Variants in NRCAM observed in about 807,000 individuals in gnomAD.
NRCAM encodes the protein neuronal cell adhesion molecule.
Under a neutral mutation model 156.5 loss-of-function variants are expected in NRCAM, and 83 were observed. The ratio of observed to expected loss-of-function variants is 0.53; its 90% CI spans 0.44 to 0.64. The LOEUF is 0.64. NRCAM is among the 30% of genes least tolerant of loss of function. The pLI, the probability that NRCAM is intolerant of heterozygous loss-of-function variation, is 0.00. For synonymous variants in NRCAM, 538 were observed against 563.9 expected (o/e 0.95, Z 0.65); for missense variants, 1,417 against 1,597.3 (o/e 0.89, Z 1.92).
chr7:108,163,135 A>T (rs1024176825), intron 30 of NRCAM, among the ~76,000 whole-genome samples: 2 of 152,206 alleles, frequency 1.3e-5, no homozygotes, highest in Non-Finnish European at 2.9e-5. Context: ...GCGGAGTAAA[A>T]GAGAATCTTC....
chr7:108,155,457 C>T (rs2044758624), intron 32 of NRCAM, among the ~76,000 whole-genome samples: 1 of 151,976 alleles, frequency 6.6e-6, no homozygotes, highest in Non-Finnish European at 1.5e-5. Flanking sequence ...GATCATTGTG[C>T]AGTGGAAAGA....
At position 108,149,877 on chromosome 7, in the gene NRCAM, A is replaced by T. The variant is rs751589693; in HGVS notation, c.*33T>A. The T allele has an allele frequency of 6.4e-7, 1 of 1,550,620 alleles. No homozygotes were observed. The highest frequency in any genetic ancestry group is 1.2e-5 in the South Asian group (1 of 85,230). The stretch of plus-strand genomic sequence containing the variant: ...AACAAGTGCTTAGGATAAACATTCT[A>T]GAGAAATGGAATATTGGCAAAGAGC... On this transcript the variant is annotated 3_prime_UTR_variant, in exon 33 of 33. Coordinates refer to ENST00000379028, the MANE Select transcript of NRCAM (RefSeq NM_001037132.4).
At chr7:108,288,046 A>G (rs1236067538) in intron 3 of NRCAM, among the ~76,000 whole-genome samples, 1 of 152,176 alleles carries the variant, frequency 6.6e-6, no homozygotes, top group Non-Finnish European at 1.5e-5. Flanking sequence ...ACCATGGAAT[A>G]CTACTCAGCC....
intron 3 of NRCAM, among the ~76,000 whole-genome samples, chr7:108,293,566 T>G (rs544932284): frequency 6.6e-6 from 1 of 152,362 alleles, no homozygotes; most frequent in East Asian, 1.9e-4. Context: ...GGCAGTACAC[T>G]GTGATACTGG....
chr7:108,325,960 G>A (rs2099064202), intron 2 of NRCAM, among the ~76,000 whole-genome samples: 1 of 151,902 alleles, frequency 6.6e-6, no homozygotes, highest in Non-Finnish European at 1.5e-5. Context: ...ATCTGAGGGG[G>A]AGATATTTAC....
intron 3 of NRCAM, among the ~76,000 whole-genome samples, chr7:108,310,463 G>A (rs1238466697): frequency 6.6e-6 from 1 of 152,208 alleles, no homozygotes; most frequent in Non-Finnish European, 1.5e-5. Context: ...AGGGCAGACA[G>A]AGGGCACTTC....
chr7:108,304,404 T>G (rs2300017), intron 3 of NRCAM, among the ~76,000 whole-genome samples: 36,425 of 149,942 alleles, frequency 0.24, 4,866 homozygotes, highest in Admixed American at 0.29. Flanking sequence ...TTTTTTTTGA[T>G]GTACATATGT....
At chr7:108,443,615 C>T (rs532016527) in intron 1 of NRCAM, among the ~76,000 whole-genome samples, 2 of 152,272 alleles carry the variant, frequency 1.3e-5, no homozygotes, top group Admixed American at 1.3e-4. Flanking sequence ...ACAGCCTTGG[C>T]ACCTGTAGAG....
intron 1 of NRCAM, among the ~76,000 whole-genome samples, chr7:108,421,656 A>T (rs1375400208): frequency 2.0e-5 from 3 of 152,238 alleles, no homozygotes; most frequent in Non-Finnish European, 4.4e-5. Flanking sequence ...ATTAAATAAA[A>T]GAGGCAGGTA....
intron 3 of NRCAM, among the ~76,000 whole-genome samples, chr7:108,263,495 A>G (rs2096963469): frequency 1.3e-5 from 2 of 152,258 alleles, no homozygotes; most frequent in African/African-American, 2.4e-5. Flanking sequence ...CTTCCGCATC[A>G]GGCAGTGCTG....
intron 2 of NRCAM, among the ~76,000 whole-genome samples, chr7:108,375,692 C>G (rs1050743529): frequency 3.9e-5 from 6 of 152,072 alleles, no homozygotes; most frequent in Admixed American, 3.9e-4. Context: ...TATATACAGC[C>G]AAAGCAAGTA....
rs369479576 is a variant in NRCAM, at chr7:108,184,242, T to G, written c.2303A>C (p.Lys768Thr). 1.6e-5 allele frequency: 26 copies of G among 1,613,332 alleles called. 1 individual carries two copies. The African/African-American group carries it at 2.7e-4, about 17-fold the overall frequency. ...SEPDNLVITWKPLNGFESNGP... is the reference protein window; with the variant it reads ...SEPDNLVITWTPLNGFESNGP... Reference sequence around the variant, plus strand: ...AAATTTGAAGGCATCATAGCTCACCTTCCACGTAATCACCAAATTATCAGG... The same window carrying G: ...AAATTTGAAGGCATCATAGCTCACCGTCCACGTAATCACCAAATTATCAGG... Residue 768 changes from lysine to threonine, a missense_variant and splice_region_variant, in exon 22 of 33, where the codon AAG becomes ACG. Physicochemically the swap from Lys to Thr is moderately conservative, Grantham distance 78 (BLOSUM62 -1). Coordinates refer to ENST00000379028, the MANE Select transcript of NRCAM (RefSeq NM_001037132.4).
At chr7:108,423,726 A>T (rs1813330462) in intron 1 of NRCAM, among the ~76,000 whole-genome samples, 1 of 152,194 alleles carries the variant, frequency 6.6e-6, no homozygotes, top group African/African-American at 2.4e-5. Context: ...TCTTAAACAG[A>T]ATCTGACCTG....
chr7:108,364,568 A>G (rs1184832005), intron 2 of NRCAM, among the ~76,000 whole-genome samples: 1 of 152,188 alleles, frequency 6.6e-6, no homozygotes, highest in Non-Finnish European at 1.5e-5. Flanking sequence ...TGTTCATAGT[A>G]GTATTATTTA....
Position 108,184,559 on chromosome 7 carries a change from T to C in NRCAM, c.2091A>G (p.Gln697=), listed in dbSNP as rs2065522979. The change falls in exon 21 of 33, where the codon CAA becomes CAG. Residue 697 remains glutamine, a synonymous_variant. Coordinates refer to ENST00000379028, the MANE Select transcript of NRCAM (RefSeq NM_001037132.4). ...AMHKPGLWHH[Q]TEVSGTQTTA... ...TGGTCTGTGTTCCAGAAACTTCAGT[T>C]TGGTGGTGCCACAGCCCTGGCTTGT... 4.3e-6 allele frequency: 7 copies of C among 1,613,926 alleles called. No homozygotes were observed. Among genetic ancestry groups the C allele is most frequent in the Non-Finnish European group, 5.9e-6 (7 of 1,180,020 alleles).
At chr7:108,163,280 G>C (rs2151522869) in intron 30 of NRCAM, among the ~76,000 whole-genome samples, 1 of 152,238 alleles carries the variant, frequency 6.6e-6, no homozygotes, top group South Asian at 2.1e-4. Context: ...TTTGTTTTCT[G>C]GAAGTCAGCT....
intron 1 of NRCAM, among the ~76,000 whole-genome samples, chr7:108,425,467 T>C (rs879667866): frequency 2.0e-5 from 3 of 152,188 alleles, no homozygotes; most frequent in Non-Finnish European, 4.4e-5. Context: ...GTGGGTTTTA[T>C]ATGTGGTGAT....
chr7:108,196,022 TG>T, intron 14 of NRCAM, 150 bp from the exon 15 acceptor site: 1 of 629,358 alleles, frequency 1.6e-6, no homozygotes, highest in Non-Finnish European at 2.9e-6. Context: ...GGCATAATGC[TG>T]CCAGTCACTC....
intron 3 of NRCAM, 87 bp downstream of exon 3, chr7:108,312,578 C>T (rs1329846084): frequency 1.3e-5 from 2 of 152,112 alleles, no homozygotes; most frequent in Non-Finnish European, 2.9e-5. Context: ...TTAAATATGG[C>T]AATAATATTA....
Sources: allele counts gnomAD v4.1 joint callset (sites outside exome capture counted in the v4.1 genomes callset), GRCh38; gene constraint gnomAD v4.1.1; transcripts MANE v1.5; gene names NCBI Gene and HGNC (gene_info 2026-07-23, HGNC 2026-07-21).